Variants in FABP6 observed in about 807,000 individuals in gnomAD.
The protein encoded by FABP6 is gastrotropin.
A neutral mutation model predicts 14.9 loss-of-function variants in FABP6; 13 were observed. The ratio of observed to expected loss-of-function variants is 0.87; its 90% confidence interval spans 0.57 to 1.39. FABP6 has a LOEUF of 1.39. FABP6 is among the 40% of genes most tolerant of loss of function. The pLI is 0.00. For synonymous variants in FABP6, 75 were observed against 63.6 expected, an observed-to-expected ratio of 1.18 and a Z score of -0.85; for missense variants, 161 against 167.2, an observed-to-expected ratio of 0.96 and a Z score of 0.20.
intron 1 of FABP6, chr5:160,198,450 C>T (rs1270011592): frequency 6.6e-6 from 1 of 152,470 alleles, no homozygotes; most frequent in Non-Finnish European, 1.5e-5. Context: ...CCTGCTTCCA[C>T]GTTCCTTCTT....
intron 2 of FABP6, among the ~76,000 whole-genome samples, chr5:160,202,579 G>A (rs916376681): frequency 5.9e-5 from 9 of 152,038 alleles, no homozygotes; most frequent in East Asian, 1.9e-4. Context: ...GGCAAATCAC[G>A]AGGTCAGGAG....
chr5:160,199,078 C>CA, exon 2 of FABP6: 1 of 1,613,912 alleles, frequency 6.2e-7, no homozygotes, highest in Non-Finnish European at 8.5e-7. Flanking sequence ...AGGGAGCTCA[C>CA]AGGCAGGGGC....
chr5:160,234,199 A>C (rs1464337915), intron 2 of FABP6, among the ~76,000 whole-genome samples: 2 of 152,144 alleles, frequency 1.3e-5, no homozygotes, highest in Non-Finnish European at 2.9e-5. Context: ...GAAAAATGTA[A>C]GTTATCTCAC....
At chr5:160,214,246 C>T (rs1053864094) in intron 3 of FABP6, among the ~76,000 whole-genome samples, 2 of 151,920 alleles carry the variant, frequency 1.3e-5, no homozygotes, top group African/African-American at 2.4e-5. Context: ...TCATAGCAGC[C>T]TTGAACTCCT....
chr5:160,214,651 C>T (rs1759975869), intron 3 of FABP6, among the ~76,000 whole-genome samples: 1 of 151,996 alleles, frequency 6.6e-6, no homozygotes, highest in Admixed American at 6.6e-5. Context: ...TTGTCTACAA[C>T]AGTCAGAAAT....
chr5:160,189,918 A>G (rs574709923), intron 1 of FABP6, among the ~76,000 whole-genome samples: 2 of 152,310 alleles, frequency 1.3e-5, no homozygotes, highest in South Asian at 4.1e-4. Flanking sequence ...TTTCGTGAGC[A>G]AAGGCACTGT....
At chr5:160,229,367 T>C, upstream of FABP6, 1 of 1,349,148 alleles carries the variant, frequency 7.4e-7, no homozygotes, top group Non-Finnish European at 9.7e-7. Flanking sequence ...CTCGGGGCTC[T>C]GTCCCTCCAG....
rs958227063 is a variant in FABP6, at chr5:160,238,511, A to G, written c.334-95A>G. The stretch of plus-strand genomic sequence containing the variant: ...TGGTGCGCCTGACTCTTATCTACTC[A>G]AGGCCGGGGTTGGAGACTCATCTTC... On this transcript the variant is annotated intron_variant, in intron 3 of 3. Transcript: ENST00000402432. 1.1e-5 allele frequency: 12 copies of G among 1,069,442 alleles called. No homozygotes were observed. In the African/African-American group the frequency reaches 1.5e-4, roughly 14 times the overall value. 66.2% of individuals were successfully genotyped at this position (1,069,442 alleles called of 1,614,324 possible). A position where few individuals can be genotyped will look rare whatever the true frequency, so the allele number is the denominator to read the frequency against.
intron 2 of FABP6, 141 bp downstream of exon 2, chr5:160,232,414 TTTA>T: frequency 1.3e-6 from 1 of 796,940 alleles, no homozygotes. Flanking sequence ...TACTTGGCAA[TTTA>T]ATGCTCCTGA....
At chr5:160,219,499 C>T (rs1262522094) in intron 3 of FABP6, among the ~76,000 whole-genome samples, 1 of 152,082 alleles carries the variant, frequency 6.6e-6, no homozygotes, top group African/African-American at 2.4e-5. Context: ...AATAGGTAAA[C>T]CCAGGAGAAG....
At chr5:160,188,961 G>A (rs1336420313) in intron 1 of FABP6, among the ~76,000 whole-genome samples, 4 of 152,148 alleles carry the variant, frequency 2.6e-5, no homozygotes, top group African/African-American at 9.7e-5. Flanking sequence ...GCAGGGCTCT[G>A]CACCCTTTTT....
At chr5:160,202,371 A>AT (rs1236789463) in intron 2 of FABP6, among the ~76,000 whole-genome samples, 2 of 152,174 alleles carry the variant, frequency 1.3e-5, no homozygotes, top group Non-Finnish European at 2.9e-5. Context: ...ATATACAAAC[A>AT]TACAATACCC....
intron 3 of FABP6, among the ~76,000 whole-genome samples, chr5:160,215,377 TTGGCAGG>T (rs755828236): frequency 3.9e-5 from 6 of 152,112 alleles, no homozygotes; most frequent in South Asian, 2.1e-4. Flanking sequence ...GCCGGGTGTG[TTGGCAGG>T]TGCCTGTAAT....
At chr5:160,216,270 A>T (rs1279371481) in intron 3 of FABP6, among the ~76,000 whole-genome samples, 2 of 144,416 alleles carry the variant, frequency 1.4e-5, no homozygotes, top group African/African-American at 2.5e-5. Context: ...TCTCATTGTA[A>T]TTTTTTTTTT....
chr5:160,210,026 C>T (rs571787440), intron 2 of FABP6, among the ~76,000 whole-genome samples: 19 of 152,304 alleles, frequency 1.2e-4, no homozygotes, highest in African/African-American at 3.6e-4. Flanking sequence ...GGAGACCCGA[C>T]GTGATCTGAC....
At chr5:160,228,835 C>T (rs757126839), upstream of FABP6, 1 of 282,696 alleles carries the variant, frequency 3.5e-6, no homozygotes, top group Non-Finnish European at 7.1e-6. Flanking sequence ...ATCTTCGTCA[C>T]ACTGTTCCCT....
chr5:160,222,125 TC>T, intron 3 of FABP6, among the ~76,000 whole-genome samples: 1 of 150,788 alleles, frequency 6.6e-6, no homozygotes, highest in South Asian at 2.1e-4. Context: ...ACAGGGTCTT[TC>T]TCTGTCACCC....
chr5:160,189,545 G>T (rs952315029), intron 1 of FABP6, among the ~76,000 whole-genome samples: 3 of 152,076 alleles, frequency 2.0e-5, no homozygotes, highest in African/African-American at 7.2e-5. Flanking sequence ...GTCAGGCCAA[G>T]AAATTGTATT....
At chr5:160,212,233 C>A (rs1429589713) in intron 2 of FABP6, among the ~76,000 whole-genome samples, 3 of 152,054 alleles carry the variant, frequency 2.0e-5, no homozygotes, top group Admixed American at 1.3e-4. Context: ...CGGCTCACTG[C>A]AACCTCTGGC....
Sources: gnomAD v4.1 joint callset for allele counts (sites outside exome capture counted in the v4.1 genomes callset) on GRCh38, gnomAD v4.1.1 for gene constraint, MANE v1.5 for transcripts, NCBI Gene and HGNC (gene_info 2026-07-23, HGNC 2026-07-21) for gene names.